RRAD: variants seen among roughly 807,000 people sequenced by gnomAD.
RRAD encodes the protein RRAD, Ras related glycolysis inhibitor and calcium channel regulator, also known as GTP-binding protein RAD.
A neutral mutation model predicts 24.7 loss-of-function variants in RRAD; 15 were observed. The ratio of observed to expected loss-of-function variants is 0.61; its 90% CI spans 0.41 to 0.93. The LOEUF is 0.93. Among genes scored for constraint, RRAD ranks in the 40% least tolerant of loss-of-function variants. RRAD has a pLI of 0.00. For missense variants in RRAD, 438 were observed against 452.2 expected (o/e 0.97, Z 0.29); for synonymous variants, 180 against 189.8 (o/e 0.95, Z 0.43).
Position 66,923,408 on chromosome 16 carries a change from G to C in RRAD, c.649+108C>G, listed in dbSNP as rs1458462303. The C allele has an allele frequency of 6.4e-6, 6 of 930,344 alleles. No homozygotes were observed. In the African/African-American group the frequency reaches 6.6e-5, roughly 10 times the overall value. 57.6% of individuals were successfully genotyped at this position (930,344 alleles called of 1,614,324 possible). ...TTCCCTCCCCGCCAGTTTTCTTTCT[G>C]AACATTTTTAGCCTCTGATGATCCC... On this transcript the variant is annotated intron_variant, in intron 4 of 4. Coordinates refer to ENST00000299759, the MANE Select transcript of RRAD (RefSeq NM_004165.3). This position sits in a 1 kb window ranked among gnomAD's most constrained non-coding sequence, Gnocchi z 4.9.
chr16:66,923,582 C>T lies in RRAD; in HGVS notation c.583G>A (p.Asp195Asn). Reference sequence around the variant, plus strand: ...TTGCCCACGAGGATGATGGGCACATCATCTGTTTGCCGTGCACGCCGCAGC... The same window carrying T: ...TTGCCCACGAGGATGATGGGCACATTATCTGTTTGCCGTGCACGCCGCAGC... ...VQLRRARQTDDVPIILVGNKS... is the reference protein window; with the variant it reads ...VQLRRARQTDNVPIILVGNKS... The change falls in exon 4 of 5, where the codon GAT becomes AAT. Residue 195 changes from aspartate to asparagine, a missense_variant. Coordinates refer to ENST00000299759, the MANE Select transcript of RRAD (RefSeq NM_004165.3). The surrounding 1 kb of genome is among the most constrained non-coding windows in gnomAD (Gnocchi z 4.9). 6.2e-7 allele frequency: 1 copy of T among 1,613,420 alleles called. No homozygotes were observed. The highest frequency in any genetic ancestry group is 8.5e-7 in the Non-Finnish European group (1 of 1,180,000).
chr16:66,925,217 G>C lies in RRAD; in HGVS notation c.-15-23C>G, dbSNP rs780947441. 12 of 1,239,990 alleles carry C rather than the reference G, an allele frequency of 9.7e-6. No homozygotes were observed. In the South Asian group the frequency reaches 3.5e-4, roughly 37 times the overall value. 76.8% of individuals were successfully genotyped at this position (1,239,990 alleles called of 1,614,324 possible). A position where few individuals can be genotyped will look rare whatever the true frequency, so the allele number is the denominator to read the frequency against. ...CGTCTAGGGGATCAGGAACCCGAGTGGCCGTGTAAGCCGCGAGGGAGGCGG... is the reference window on the plus strand; with the variant it reads ...CGTCTAGGGGATCAGGAACCCGAGTCGCCGTGTAAGCCGCGAGGGAGGCGG... On this transcript the variant is annotated intron_variant, in intron 1 of 4. Coordinates refer to ENST00000299759, the MANE Select transcript of RRAD (RefSeq NM_004165.3). This position sits in a 1 kb window ranked among gnomAD's most constrained non-coding sequence, Gnocchi z 5.2.
intron 4 of RRAD, among the ~76,000 whole-genome samples, chr16:66,922,857 A>G (rs1962935764): frequency 6.6e-6 from 1 of 151,796 alleles, no homozygotes; most frequent in Admixed American, 6.6e-5. Flanking sequence ...TAATTTTTGT[A>G]TTTTTAGTAG....
chr16:66,925,300 G>T lies in RRAD; in HGVS notation c.-15-106C>A. 9.9e-7 allele frequency: 1 copy of T among 1,007,704 alleles called. No homozygotes were observed. The highest frequency in any genetic ancestry group is 1.3e-6 in the Non-Finnish European group (1 of 794,204). 62.4% of individuals were successfully genotyped at this position (1,007,704 alleles called of 1,614,324 possible). A position where few individuals can be genotyped will look rare whatever the true frequency, so the allele number is the denominator to read the frequency against. On this transcript the variant is annotated intron_variant, in intron 1 of 4. Coordinates refer to ENST00000299759, the MANE Select transcript of RRAD (RefSeq NM_004165.3). The surrounding 1 kb of genome is among the most constrained non-coding windows in gnomAD (Gnocchi z 5.2). Reference sequence around the variant, plus strand: ...GGCGGGATGCTCCGGCCGAGGTCCCGCCGCAGCCCTCCCCCAGCCCCCAGG... The same window carrying T: ...GGCGGGATGCTCCGGCCGAGGTCCCTCCGCAGCCCTCCCCCAGCCCCCAGG...
Position 66,922,340 on chromosome 16 carries a change from G to C in RRAD, c.663C>G (p.Cys221Trp), listed in dbSNP as rs370661251. The part of the protein sequence containing the change: ...REVSVDEGRA[C>W]AVVFDCKFIE... ...TGAACTTGCAGTCAAAGACCACCGC[G>C]CAGGCCCGGCCCTCTGTGTGGGTGG... Residue 221 changes from cysteine to tryptophan, a missense_variant, in exon 5 of 5, where the codon TGC (cysteine) becomes TGG (tryptophan). By Grantham distance (215) the Cys-to-Trp change is radical (BLOSUM62 -2). Coordinates refer to ENST00000299759, the MANE Select transcript of RRAD (RefSeq NM_004165.3). 6.3e-7 allele frequency: 1 copy of C among 1,594,502 alleles called. No individual in the cohort carries two copies. The highest frequency in any genetic ancestry group is 1.3e-5 in the African/African-American group (1 of 74,842).
Position 66,923,984 on chromosome 16 carries a change from G to C in RRAD, c.371-65C>G. On this transcript the variant is annotated intron_variant, in intron 2 of 4. Transcript: ENST00000299759. The surrounding 1 kb of genome is among the most constrained non-coding windows in gnomAD (Gnocchi z 4.9). The stretch of plus-strand genomic sequence containing the variant: ...CAAAGCCGCTGCTGCCAGGTTTCCT[G>C]TTCTGGCCACACCCTCCAACTCTTC... 1.5e-6 allele frequency: 2 copies of C among 1,318,428 alleles called. No individual in the cohort carries two copies. Among genetic ancestry groups the C allele is most frequent in the South Asian group, 2.4e-5 (2 of 85,058 alleles). 81.7% of individuals were successfully genotyped at this position (1,318,428 alleles called of 1,614,324 possible).
chr16:66,925,266 C>G lies in RRAD; in HGVS notation c.-15-72G>C, dbSNP rs1001653220. Reference sequence around the variant, plus strand: ...GGGACCCGGGGCGCACCTGCCCAACCCGGAGTCAGGCGGGATGCTCCGGCC... The same window carrying G: ...GGGACCCGGGGCGCACCTGCCCAACGCGGAGTCAGGCGGGATGCTCCGGCC... On this transcript the variant is annotated intron_variant, in intron 1 of 4. Transcript: ENST00000299759. This position sits in a 1 kb window ranked among gnomAD's most constrained non-coding sequence, Gnocchi z 5.2. 20 of 1,166,386 alleles carry G rather than the reference C, an allele frequency of 1.7e-5. No homozygotes were observed. In the East Asian group the frequency reaches 6.0e-4, roughly 35 times the overall value. 72.3% of individuals were successfully genotyped at this position (1,166,386 alleles called of 1,614,324 possible).
chr16:66,922,362 G>A lies in RRAD; in HGVS notation c.650-9C>T. On this transcript the variant is annotated splice_polypyrimidine_tract_variant and intron_variant, in intron 4 of 4. Coordinates refer to ENST00000299759, the MANE Select transcript of RRAD (RefSeq NM_004165.3). The stretch of plus-strand genomic sequence containing the variant: ...CGCGCAGGCCCGGCCCTCTGTGTGG[G>A]TGGGGAAAGGCAGGCACCAGTAAAC... The A allele has an allele frequency of 1.3e-6, 2 of 1,576,574 alleles. No individual in the cohort carries two copies. Among genetic ancestry groups the A allele is most frequent in the Non-Finnish European group, 1.7e-6 (2 of 1,157,550 alleles).
chr16:66,923,618 G>A lies in RRAD; in HGVS notation c.547C>T (p.Leu183=). 1 of 1,613,992 alleles carries A rather than the reference G, an allele frequency of 6.2e-7. No homozygotes were observed. The highest frequency in any genetic ancestry group is 8.5e-7 in the Non-Finnish European group (1 of 1,180,012). The change falls in exon 4 of 5, where the codon CTG becomes TTG. Residue 183 remains leucine (L), a synonymous_variant. Transcript: ENST00000299759. This position sits in a 1 kb window ranked among gnomAD's most constrained non-coding sequence, Gnocchi z 4.9. ...CGTGCACGCCGCAGCTGGACCCGCA[G>A]TTCTGAGGCCTTCTCGAAGCTGCCC... ...DKGSFEKASE[L]RVQLRRARQT... is the part of the protein sequence containing the mutation.
intron 4 of RRAD, among the ~76,000 whole-genome samples, chr16:66,922,759 TG>T (rs1450586216): frequency 2.0e-5 from 3 of 152,202 alleles, no homozygotes; most frequent in Non-Finnish European, 4.4e-5. Flanking sequence ...CTCTGCTCAC[TG>T]AAAGCTCCGC....
rs1962912081 is a variant in RRAD, at chr16:66,921,691, GAAATAGCCTTTATTACAA to G, written c.*367_*384del. 5.7e-6 allele frequency: 1 copy of G among 176,248 alleles called. No individual in the cohort carries two copies. The highest frequency in any genetic ancestry group is 1.8e-4 in the South Asian group (1 of 5,484). 10.9% of individuals were successfully genotyped at this position (176,248 alleles called of 1,614,324 possible). On this transcript the variant is annotated 3_prime_UTR_variant, in exon 5 of 5. Transcript: ENST00000299759. ...GAGAGTCAACAGCCATGACTATCAGGAAATAGCCTTTATTACAAAAATCTGCATGTAAACAAATAGCTA... is the reference window on the plus strand; with the variant it reads ...GAGAGTCAACAGCCATGACTATCAGGAAATCTGCATGTAAACAAATAGCTA...
At position 66,924,882 on chromosome 16, in the gene RRAD, G is replaced by T; in HGVS notation, c.298C>A (p.Pro100Thr). Residue 100 changes from proline (P) to threonine (T), a missense_variant, in exon 2 of 5, where the codon CCC (proline) becomes ACC (threonine). Physicochemically the swap from Pro to Thr is conservative, Grantham distance 38. Coordinates refer to ENST00000299759, the MANE Select transcript of RRAD (RefSeq NM_004165.3). The surrounding 1 kb of genome is among the most constrained non-coding windows in gnomAD (Gnocchi z 4.2). ...SVYKVLLLGA[P>T]GVGKSALARI... is the part of the protein sequence containing the mutation. ...GCCAGGGCGCTCTTGCCCACGCCGG[G>T]CGCCCCCAGCAGCAGCACCTTGTAA... is the stretch of plus-strand genomic sequence containing the variant. The T allele has an allele frequency of 1.3e-6, 2 of 1,586,818 alleles. No homozygotes were observed.
chr16:66,924,006 C>T lies in RRAD; in HGVS notation c.371-87G>A. 1.9e-6 allele frequency: 2 copies of T among 1,035,252 alleles called. No homozygotes were observed. Among genetic ancestry groups the T allele is most frequent in the Non-Finnish European group, 3.1e-6 (2 of 653,208 alleles). 64.1% of individuals were successfully genotyped at this position (1,035,252 alleles called of 1,614,324 possible). On this transcript the variant is annotated intron_variant, in intron 2 of 4. Coordinates refer to ENST00000299759, the MANE Select transcript of RRAD (RefSeq NM_004165.3). This position sits in a 1 kb window ranked among gnomAD's most constrained non-coding sequence, Gnocchi z 4.2. ...CCTGTTCTGGCCACACCCTCCAACT[C>T]TTCCCCAGAGCCCTCCTTACCCTCC...
chr16:66,925,334 C>T lies in RRAD; in HGVS notation c.-16+75G>A, dbSNP rs1015602423. 13 of 759,444 alleles carry T rather than the reference C, an allele frequency of 1.7e-5. No homozygotes were observed. In the African/African-American group the frequency reaches 2.0e-4, roughly 12 times the overall value. 47.0% of individuals were successfully genotyped at this position (759,444 alleles called of 1,614,324 possible). On this transcript the variant is annotated intron_variant, in intron 1 of 4. Transcript: ENST00000299759. The surrounding 1 kb of genome is among the most constrained non-coding windows in gnomAD (Gnocchi z 5.2). ...CTCCCCCAGCCCCCAGGTCGCGGCGCCCTCACCCGGGACCCCTCCGGACCT... is the reference window on the plus strand; with the variant it reads ...CTCCCCCAGCCCCCAGGTCGCGGCGTCCTCACCCGGGACCCCTCCGGACCT...
Position 66,923,776 on chromosome 16 carries a change from C to G in RRAD, c.445-56G>C. 6.2e-7 allele frequency: 1 copy of G among 1,611,090 alleles called. No homozygotes were observed. Among genetic ancestry groups the G allele is most frequent in the South Asian group, 1.1e-5 (1 of 91,006 alleles). Reference sequence around the variant, plus strand: ...CAGTCCTCATGCCCCCGACACGAGCCTGGCACTCCCAGACCTCTAACCCAA... The same window carrying G: ...CAGTCCTCATGCCCCCGACACGAGCGTGGCACTCCCAGACCTCTAACCCAA... On this transcript the variant is annotated intron_variant, in intron 3 of 4. Transcript: ENST00000299759. The surrounding 1 kb of genome is among the most constrained non-coding windows in gnomAD (Gnocchi z 4.9).
Position 66,924,059 on chromosome 16 carries a change from C to T in RRAD, c.371-140G>A. On this transcript the variant is annotated intron_variant, in intron 2 of 4. Transcript: ENST00000299759. The surrounding 1 kb of genome is among the most constrained non-coding windows in gnomAD (Gnocchi z 4.2). ...TCCACTTGCAGATGCTGGTATGTGGCAACAGCAGTGCCAGGCAGGGAAGTG... is the reference window on the plus strand; with the variant it reads ...TCCACTTGCAGATGCTGGTATGTGGTAACAGCAGTGCCAGGCAGGGAAGTG... 1 of 731,638 alleles carries T rather than the reference C, an allele frequency of 1.4e-6. No homozygotes were observed. The highest frequency in any genetic ancestry group is 2.0e-5 in the Admixed American group (1 of 50,616). 45.3% of individuals were successfully genotyped at this position (731,638 alleles called of 1,614,324 possible).
Position 66,924,804 on chromosome 16 carries a change from C to T in RRAD, c.370+6G>A. The T allele has an allele frequency of 1.3e-6, 2 of 1,539,008 alleles. No individual in the cohort carries two copies. The highest frequency in any genetic ancestry group is 2.7e-5 in the African/African-American group (2 of 73,172). ...GCCCCTCCCCTGAACAGCTGGGTCC[C>T]CTCACCTGCTGCCTCTGCTTCAGGC... On this transcript the variant is annotated splice_donor_region_variant and intron_variant, in intron 2 of 4. Coordinates refer to ENST00000299759, the MANE Select transcript of RRAD (RefSeq NM_004165.3). This position sits in a 1 kb window ranked among gnomAD's most constrained non-coding sequence, Gnocchi z 4.2.
chr16:66,924,810 C>T lies in RRAD; in HGVS notation c.370G>A (p.Gly124Arg), dbSNP rs1962969343. 1.3e-6 allele frequency: 2 copies of T among 1,549,822 alleles called. No individual in the cohort carries two copies. Among genetic ancestry groups the T allele is most frequent in the South Asian group, 1.2e-5 (1 of 85,048 alleles). Residue 124 changes from glycine to arginine, a missense_variant and splice_region_variant, in exon 2 of 5, where the codon GGG (glycine) becomes AGG (arginine). By Grantham distance (125) the Gly-to-Arg change is moderately radical (BLOSUM62 -2). Coordinates refer to ENST00000299759, the MANE Select transcript of RRAD (RefSeq NM_004165.3). The surrounding 1 kb of genome is among the most constrained non-coding windows in gnomAD (Gnocchi z 4.2). Reference protein sequence around the residue: ...VEDGPEAEAAGHTYDRSIVVD... With the variant: ...VEDGPEAEAARHTYDRSIVVD... ...CCCCTGAACAGCTGGGTCCCCTCAC[C>T]TGCTGCCTCTGCTTCAGGCCCGTCC...
In RRAD at chr16:66,924,890, A is replaced by G; in HGVS notation, c.290T>C (p.Leu97Pro). 1 of 1,585,342 alleles carries G rather than the reference A, an allele frequency of 6.3e-7. No homozygotes were observed. Among genetic ancestry groups the G allele is most frequent in the Non-Finnish European group, 8.5e-7 (1 of 1,170,572 alleles). ...GCTCTTGCCCACGCCGGGCGCCCCC[A>G]GCAGCAGCACCTTGTAAACGCTCTC... ...SDESVYKVLL[L>P]GAPGVGKSAL... Residue 97 changes from leucine to proline, a missense_variant, in exon 2 of 5, where the codon CTG becomes CCG. Transcript: ENST00000299759. This position sits in a 1 kb window ranked among gnomAD's most constrained non-coding sequence, Gnocchi z 4.2.
Sources: gnomAD v4.1 joint callset for allele counts (sites outside exome capture counted in the v4.1 genomes callset) on GRCh38, gnomAD v4.1.1 for gene constraint, Gnocchi (gnomAD v3.1) non-coding constraint, MANE v1.5 for transcripts, NCBI Gene and HGNC (gene_info 2026-07-23, HGNC 2026-07-21) for gene names.